Variants in TEC observed in about 807,000 individuals in gnomAD.
TEC encodes the protein tec protein tyrosine kinase.
In TEC, 72 loss-of-function variants were observed where a neutral mutation model predicts 93.0. The ratio of observed to expected loss-of-function variants is 0.77; its 90% CI spans 0.64 to 0.94. The LOEUF is 0.94. Among genes scored for constraint, TEC ranks in the 40% least tolerant of loss-of-function variants. The probability of loss-of-function intolerance (pLI) is 0.00; values close to 1 mark genes in which losing one functional copy is unlikely to be tolerated. For synonymous variants in TEC, 249 were observed against 247.7 expected (o/e 1.01, Z -0.05); for missense variants, 630 against 757.9 (o/e 0.83, Z 1.98).
chr4:48,199,916 C>G (rs1164826415), intron 2 of TEC, among the ~76,000 whole-genome samples: 2 of 152,194 alleles, frequency 1.3e-5, no homozygotes, highest in Non-Finnish European at 2.9e-5. Flanking sequence ...TAACAACCCT[C>G]TGAAGGAGGA....
At chr4:48,254,595 A>G (rs746748820) in intron 1 of TEC, among the ~76,000 whole-genome samples, 8 of 152,250 alleles carry the variant, frequency 5.3e-5, no homozygotes, top group Non-Finnish European at 1.2e-4. Flanking sequence ...AAAACTGGGG[A>G]TAAGAGGCAA....
intron 2 of TEC, among the ~76,000 whole-genome samples, chr4:48,178,727 T>C (rs1721432928): frequency 6.6e-6 from 1 of 152,174 alleles, no homozygotes; most frequent in East Asian, 1.9e-4. Context: ...TCTCTGGTCA[T>C]TCTCTGCTAA....
intron 1 of TEC, among the ~76,000 whole-genome samples, chr4:48,260,641 A>C (rs1724477649): frequency 6.6e-6 from 1 of 152,026 alleles, no homozygotes; most frequent in African/African-American, 2.4e-5. Flanking sequence ...CTAAGTGTCC[A>C]ACAACTGGGG....
chr4:48,193,619 T>C (rs1722171998), intron 2 of TEC, among the ~76,000 whole-genome samples: 1 of 152,208 alleles, frequency 6.6e-6, no homozygotes, highest in Admixed American at 6.5e-5. Flanking sequence ...GTTTTTGTTT[T>C]GTTTTATTTT....
At chr4:48,241,225 T>A (rs572861946) in intron 1 of TEC, among the ~76,000 whole-genome samples, 4 of 152,240 alleles carry the variant, frequency 2.6e-5, no homozygotes, top group South Asian at 2.1e-4. Context: ...GTTTTTTTTT[T>A]TAAATACCTG....
chr4:48,160,858 G>A (rs1351285782), intron 8 of TEC, among the ~76,000 whole-genome samples: 3 of 149,092 alleles, frequency 2.0e-5, no homozygotes, highest in East Asian at 4.2e-4. Context: ...AGGGAGGAAG[G>A]GAGGAAGGAA....
Position 48,138,778 on chromosome 4 carries a change from CA to C in TEC, c.1698del (p.Phe566LeufsTer10), listed in dbSNP as rs1341469419. Reference protein sequence around the residue: ...WEVFTEGRMPFEKYTNYEVVT... With the variant: ...WEVFTEGRMPXEKYTNYEVVT... ...ACCACTTCATAATTGGTGTATTTTT[CA>C]AAAGGCATTCTGCCTTCCGTGAATA... On this transcript the variant is annotated frameshift_variant, in exon 17 of 18. Coordinates refer to ENST00000381501, the MANE Select transcript of TEC (RefSeq NM_003215.3). LOFTEE classifies it high-confidence loss of function. The C allele has an allele frequency of 6.2e-7, 1 of 1,613,764 alleles. No homozygotes were observed. The highest frequency in any genetic ancestry group is 8.5e-7 in the Non-Finnish European group (1 of 1,179,962).
chr4:48,215,401 G>A (rs1228266924), intron 2 of TEC, among the ~76,000 whole-genome samples: 1 of 152,178 alleles, frequency 6.6e-6, no homozygotes, highest in Admixed American at 6.5e-5. Context: ...CAGCTACCTG[G>A]GAGGCTGAGG....
At chr4:48,161,454 G>A (rs909142591) in intron 8 of TEC, among the ~76,000 whole-genome samples, 24 of 152,056 alleles carry the variant, frequency 1.6e-4, no homozygotes, top group African/African-American at 5.1e-4. Context: ...ACTGTTGACT[G>A]GGTATGGAAG....
intron 8 of TEC, among the ~76,000 whole-genome samples, chr4:48,163,106 G>A (rs757247867): frequency 1.3e-5 from 2 of 151,862 alleles, no homozygotes; most frequent in East Asian, 1.9e-4. Flanking sequence ...GGACATCCAC[G>A]TGCCATCTGC....
At chr4:48,227,567 C>T (rs1339469613) in intron 2 of TEC, among the ~76,000 whole-genome samples, 1 of 147,050 alleles carries the variant, frequency 6.8e-6, no homozygotes, top group Non-Finnish European at 1.5e-5. Context: ...TTGCTTGAAC[C>T]AGGAGATGGA....
intron 11 of TEC, among the ~76,000 whole-genome samples, chr4:48,149,020 G>A (rs941296266): frequency 6.6e-6 from 1 of 152,018 alleles, no homozygotes; most frequent in Admixed American, 6.6e-5. Context: ...TTCTTTTACG[G>A]CTTCATAGAT....
chr4:48,179,567 T>C (rs952319206), intron 2 of TEC, among the ~76,000 whole-genome samples: 2 of 151,272 alleles, frequency 1.3e-5, no homozygotes, highest in Admixed American at 6.6e-5. Context: ...TTTTGTATTT[T>C]TAGTAGAGAC....
chr4:48,139,150 G>T, intron 15 of TEC, 128 bp from the exon 16 acceptor site: 1 of 784,196 alleles, frequency 1.3e-6, no homozygotes, highest in Non-Finnish European at 2.1e-6. Flanking sequence ...TCCGGTTGAA[G>T]CTAAATGTTC....
At chr4:48,260,218 C>CA (rs1724464183) in intron 1 of TEC, among the ~76,000 whole-genome samples, 1 of 151,854 alleles carries the variant, frequency 6.6e-6, no homozygotes, top group Admixed American at 6.6e-5. Context: ...TCTAAAAGGT[C>CA]AAAAAAGAGA....
chr4:48,157,820 A>T (rs1264612655), intron 8 of TEC, among the ~76,000 whole-genome samples: 1 of 151,894 alleles, frequency 6.6e-6, no homozygotes, highest in Non-Finnish European at 1.5e-5. Flanking sequence ...CTGGCCCTGT[A>T]CCTCTTCTTA....
chr4:48,213,935 T>C (rs1349350619), intron 2 of TEC, among the ~76,000 whole-genome samples: 2 of 152,198 alleles, frequency 1.3e-5, no homozygotes, highest in Non-Finnish European at 2.9e-5. Flanking sequence ...GGATTATAAG[T>C]GCTAGCCACT....
At chr4:48,192,178 T>G (rs1409479460) in intron 2 of TEC, among the ~76,000 whole-genome samples, 3 of 152,168 alleles carry the variant, frequency 2.0e-5, no homozygotes, top group Non-Finnish European at 4.4e-5. Flanking sequence ...GTAATAGAAA[T>G]GCAATATTGT....
chr4:48,163,155 A>G (rs778782814), intron 8 of TEC, among the ~76,000 whole-genome samples: 1 of 152,214 alleles, frequency 6.6e-6, no homozygotes, highest in African/African-American at 2.4e-5. Flanking sequence ...TGCTTGATAC[A>G]TGCTAAGATC....
Sources: gnomAD v4.1 joint callset for allele counts (sites outside exome capture counted in the v4.1 genomes callset) on GRCh38, gnomAD v4.1.1 for gene constraint, MANE v1.5 for transcripts, NCBI Gene and HGNC (gene_info 2026-07-23, HGNC 2026-07-21) for gene names.